GRAP2: variants seen among roughly 807,000 people sequenced by gnomAD.
GRAP2 encodes GRB2 related adaptor protein 2.
A neutral mutation model predicts 43.5 loss-of-function variants in GRAP2; 31 were observed. That is an observed-to-expected ratio of 0.71 (90% confidence interval 0.54 to 0.96). The LOEUF (loss-of-function observed/expected upper bound fraction) is 0.96. Among genes scored for constraint, GRAP2 ranks in the 40% least tolerant of loss-of-function variants. The pLI is 0.00. For missense variants in GRAP2, 371 were observed against 424.4 expected, an observed-to-expected ratio of 0.87 and a Z score of 1.11; for synonymous variants, 156 against 164.8, an observed-to-expected ratio of 0.95 and a Z score of 0.41.
Position 39,965,885 on chromosome 22 carries a change from A to G in GRAP2, c.291-105A>G, listed in dbSNP as rs536016771. The G allele has an allele frequency of 2.9e-4, 281 of 962,090 alleles. No individual in the cohort carries two copies. In the African/African-American group the frequency reaches 3.8e-3, roughly 13 times the overall value. 59.6% of individuals were successfully genotyped at this position (962,090 alleles called of 1,614,324 possible). A position where few individuals can be genotyped will look rare whatever the true frequency, so the allele number is the denominator to read the frequency against. On this transcript the variant is annotated intron_variant, in intron 4 of 7. Transcript: ENST00000344138. Reference sequence around the variant, plus strand: ...AGTGATGAGTGAGTCATCCATATCTACATCTCCTGCTCAAAGAGAACTCCA... The same window carrying G: ...AGTGATGAGTGAGTCATCCATATCTGCATCTCCTGCTCAAAGAGAACTCCA...
intron 6 of GRAP2, 96 bp from the exon 7 acceptor site, chr22:39,969,315 A>G: frequency 7.4e-7 from 1 of 1,344,368 alleles, no homozygotes; most frequent in Non-Finnish European, 1.1e-6. Context: ...CCTGGAATAT[A>G]CCGGCTCTGT....
chr22:39,946,518 T>C (rs1012608625), intron 1 of GRAP2, among the ~76,000 whole-genome samples: 2 of 152,190 alleles, frequency 1.3e-5, no homozygotes, highest in Non-Finnish European at 2.9e-5. Context: ...ATCTGACCAA[T>C]TGAGCCTCCC....
At chr22:39,932,677 C>G (rs1432816999) in intron 1 of GRAP2, among the ~76,000 whole-genome samples, 1 of 148,890 alleles carries the variant, frequency 6.7e-6, no homozygotes, top group African/African-American at 2.5e-5. Context: ...CTGATTGCCT[C>G]ACTGCACTCC....
chr22:39,896,180 C>T (rs1487826995), upstream of GRAP2, among the ~76,000 whole-genome samples: 1 of 152,120 alleles, frequency 6.6e-6, no homozygotes, highest in East Asian at 1.9e-4. Flanking sequence ...AGCAGAGGAA[C>T]TGGAAGAAGA....
Position 39,968,097 on chromosome 22 carries a change from G to T in GRAP2, c.515G>T (p.Gly172Val). The part of the protein sequence containing the change: ...RRSQGGPHLS[G>V]AVGEEIRPSM... ...TCCCAGGGAGGCCCACACCTCAGTG[G>T]GGCTGTGGGAGAAGAAATCCGACCT... The change falls in exon 6 of 8, where the codon GGG becomes GTG. Residue 172 changes from glycine (G) to valine (V), a missense_variant. Physicochemically the swap from Gly to Val is moderately radical, Grantham distance 109 (BLOSUM62 -3). Coordinates refer to ENST00000344138, the MANE Select transcript of GRAP2 (RefSeq NM_004810.4). 1 of 1,611,852 alleles carries T rather than the reference G, an allele frequency of 6.2e-7. No individual in the cohort carries two copies. Among genetic ancestry groups the T allele is most frequent in the Non-Finnish European group, 8.5e-7 (1 of 1,179,020 alleles).
intron 1 of GRAP2, among the ~76,000 whole-genome samples, chr22:39,911,143 G>C (rs1429357475): frequency 1.3e-5 from 2 of 152,190 alleles, no homozygotes; most frequent in Admixed American, 1.3e-4. Flanking sequence ...GATGAGGAGA[G>C]AAAAAGTTTA....
intron 1 of GRAP2, among the ~76,000 whole-genome samples, chr22:39,924,351 G>A (rs1217291083): frequency 6.6e-6 from 1 of 152,214 alleles, no homozygotes; most frequent in Non-Finnish European, 1.5e-5. Context: ...GTAGCACTGT[G>A]ACAATCATCA....
chr22:39,954,414 T>G (rs1260654884), intron 2 of GRAP2, among the ~76,000 whole-genome samples: 2 of 152,214 alleles, frequency 1.3e-5, no homozygotes, highest in South Asian at 2.1e-4. Flanking sequence ...AATTTTTTTT[T>G]TGAGAGAGGC....
chr22:39,961,880 AG>A (rs1363703782), intron 4 of GRAP2, among the ~76,000 whole-genome samples: 3 of 152,256 alleles, frequency 2.0e-5, no homozygotes, highest in African/African-American at 7.2e-5. Flanking sequence ...CTGTTTAGAA[AG>A]AATGGATATT....
chr22:39,934,576 A>G (rs1223745620), intron 1 of GRAP2, among the ~76,000 whole-genome samples: 1 of 152,256 alleles, frequency 6.6e-6, no homozygotes, highest in Non-Finnish European at 1.5e-5. Flanking sequence ...ACAAAAACAC[A>G]GTGAAAGTCA....
At chr22:39,962,500 G>A (rs966768383) in intron 4 of GRAP2, among the ~76,000 whole-genome samples, 11 of 152,084 alleles carry the variant, frequency 7.2e-5, no homozygotes, top group African/African-American at 1.7e-4. Context: ...TTTAACATGC[G>A]TGTATATATA....
intron 6 of GRAP2, 190 bp downstream of exon 6, chr22:39,968,462 C>T: frequency 3.6e-6 from 1 of 276,932 alleles, no homozygotes; most frequent in Non-Finnish European, 7.3e-6. Flanking sequence ...CACCTGAACA[C>T]ACACACACAC....
In GRAP2 at chr22:39,971,330, G is replaced by A; in HGVS notation, c.*246G>A. On this transcript the variant is annotated 3_prime_UTR_variant, in exon 8 of 8. Transcript: ENST00000344138. ...CCCCCTCAGGGGTGTGTGGAAGGCA[G>A]TGGGGGAGTTGGGAGGGGGGCAGGG... 2.1e-6 allele frequency: 1 copy of A among 482,782 alleles called. No homozygotes were observed. The highest frequency in any genetic ancestry group is 3.6e-6 in the Non-Finnish European group (1 of 278,116). 29.9% of individuals were successfully genotyped at this position (482,782 alleles called of 1,614,324 possible).
chr22:39,925,537 C>G (rs936776727), intron 1 of GRAP2, among the ~76,000 whole-genome samples: 1 of 152,166 alleles, frequency 6.6e-6, no homozygotes, highest in African/African-American at 2.4e-5. Context: ...TCCACCTCCT[C>G]AACTTACCAA....
intron 1 of GRAP2, among the ~76,000 whole-genome samples, chr22:39,910,915 G>A (rs2066558763): frequency 6.6e-6 from 1 of 152,038 alleles, no homozygotes; most frequent in African/African-American, 2.4e-5. Flanking sequence ...ATGGATCTCT[G>A]GCCTCTAAAG....
At chr22:39,957,148 C>A (rs1164239594) in intron 3 of GRAP2, among the ~76,000 whole-genome samples, 1 of 152,196 alleles carries the variant, frequency 6.6e-6, no homozygotes, top group Non-Finnish European at 1.5e-5. Context: ...GCTCAAAGAG[C>A]AAAAGCTTGT....
intron 1 of GRAP2, among the ~76,000 whole-genome samples, chr22:39,902,339 A>G (rs757165439): frequency 3.3e-5 from 5 of 152,200 alleles, no homozygotes; most frequent in Non-Finnish European, 7.3e-5. Context: ...AAGAGTATTT[A>G]GCAGAAGTTA....
chr22:39,940,161 A>G (rs2066852313), intron 1 of GRAP2, among the ~76,000 whole-genome samples: 1 of 152,226 alleles, frequency 6.6e-6, no homozygotes, highest in Non-Finnish European at 1.5e-5. Context: ...ATGAGTTAGA[A>G]GTGATTCAAG....
intron 4 of GRAP2, among the ~76,000 whole-genome samples, chr22:39,965,192 C>A (rs1389974543): frequency 1.3e-5 from 2 of 152,234 alleles, no homozygotes; most frequent in Non-Finnish European, 2.9e-5. Flanking sequence ...GACTTCAAGA[C>A]CAGCCTGACC....
Sources: gnomAD v4.1 joint callset for allele counts (sites outside exome capture counted in the v4.1 genomes callset) on GRCh38, gnomAD v4.1.1 for gene constraint, MANE v1.5 for transcripts, NCBI Gene and HGNC (gene_info 2026-07-23, HGNC 2026-07-21) for gene names.